Variants in ZC2HC1A observed in about 807,000 individuals in gnomAD.
ZC2HC1A encodes zinc finger C2HC domain-containing protein 1A.
A neutral mutation model predicts 40.7 loss-of-function variants in ZC2HC1A; 28 were observed. That is an observed-to-expected ratio of 0.69 (90% CI 0.51 to 0.94). The LOEUF is 0.94. Ranked by LOEUF, ZC2HC1A falls within the 40% of genes least tolerant of loss-of-function variation. The probability of loss-of-function intolerance (pLI) is 0.00; values close to 1 mark genes in which losing one functional copy is unlikely to be tolerated. For synonymous variants in ZC2HC1A, 129 were observed against 129.2 expected (o/e 1.00, Z 0.01); for missense variants, 389 against 386.3 (o/e 1.01, Z -0.06).
chr8:78,666,194 G>C (rs1357511840), intron 1 of ZC2HC1A, 30 bp downstream of exon 1: 1 of 1,568,662 alleles, frequency 6.4e-7, no homozygotes, highest in Non-Finnish European at 8.6e-7. Context: ...AGGGCAGGAC[G>C]GCTAGAGCGG....
intron 1 of ZC2HC1A, among the ~76,000 whole-genome samples, chr8:78,671,563 G>A (rs969135617): frequency 6.6e-6 from 1 of 152,038 alleles, no homozygotes; most frequent in Non-Finnish European, 1.5e-5. Flanking sequence ...ATTTCTGTAG[G>A]TTATGAAACA....
At chr8:78,674,275 G>C (rs961912726) in intron 1 of ZC2HC1A, among the ~76,000 whole-genome samples, 7 of 152,162 alleles carry the variant, frequency 4.6e-5, no homozygotes, top group African/African-American at 1.7e-4. Context: ...CTAAGAAGTA[G>C]ATAAGCAAAT....
chr8:78,674,904 A>G (rs1809530900), intron 1 of ZC2HC1A, among the ~76,000 whole-genome samples: 1 of 152,104 alleles, frequency 6.6e-6, no homozygotes. Context: ...GAATTTTAGC[A>G]TCTCTAAAAT....
In ZC2HC1A at chr8:78,718,678, A is replaced by G. The variant is rs372783221; in HGVS notation, c.*1185A>G. 6.6e-6 allele frequency: 1 copy of G among 151,838 alleles called. No individual in the cohort carries two copies. Among genetic ancestry groups the G allele is most frequent in the African/African-American group, 2.4e-5 (1 of 41,430 alleles). The allele number at this position is 151,838 out of a possible 1,614,324, so 9.4% of individuals were successfully genotyped here. A position where few individuals can be genotyped will look rare whatever the true frequency, so the allele number is the denominator to read the frequency against. ...ACTTACCTAATTAAACATACACACAAATTTAATTATTTTTTTCTCTTTAAC... is the reference window on the plus strand; with the variant it reads ...ACTTACCTAATTAAACATACACACAGATTTAATTATTTTTTTCTCTTTAAC... On this transcript the variant is annotated 3_prime_UTR_variant, in exon 9 of 9. Coordinates refer to ENST00000263849, the MANE Select transcript of ZC2HC1A (RefSeq NM_016010.3).
chr8:78,688,372 A>G (rs1810093821), intron 4 of ZC2HC1A, among the ~76,000 whole-genome samples: 1 of 152,118 alleles, frequency 6.6e-6, no homozygotes, highest in African/African-American at 2.4e-5. Context: ...TTTCTTTCTT[A>G]TGAGAGGTTT....
rs532997856 is a variant in ZC2HC1A, at chr8:78,690,538, C to T, written c.504+1165C>T. 4.3e-3 allele frequency among the ~76,000 whole-genome samples: 633 copies of T among 147,378 alleles called. 2 individuals carry two copies. The highest frequency in any genetic ancestry group is 0.015 in the African/African-American group (581 of 39,756). Reference sequence around the variant, plus strand: ...TCATGCCACTGCACTCCAGCTTGGGCGACAGAGCAAGAGACTGTCTCAAAA... The same window carrying T: ...TCATGCCACTGCACTCCAGCTTGGGTGACAGAGCAAGAGACTGTCTCAAAA... On this transcript the variant is annotated intron_variant, in intron 5 of 8. Transcript: ENST00000263849.
Position 78,666,112 on chromosome 8 carries a change from G to T in ZC2HC1A, c.-37G>T. The T allele has an allele frequency of 6.4e-7, 1 of 1,560,064 alleles. No homozygotes were observed. The highest frequency in any genetic ancestry group is 8.7e-7 in the Non-Finnish European group (1 of 1,151,962). ...CCAGAGCTGGGCGGTGGCGGGCGCT[G>T]CTGAAGGAGTCTCGCTGAGCTCGAG... is the stretch of plus-strand genomic sequence containing the variant. On this transcript the variant is annotated 5_prime_UTR_variant, in exon 1 of 9. Transcript: ENST00000263849.
intron 7 of ZC2HC1A, among the ~76,000 whole-genome samples, chr8:78,704,574 C>G (rs1265027879): frequency 6.6e-6 from 1 of 151,990 alleles, no homozygotes; most frequent in Non-Finnish European, 1.5e-5. Context: ...GATTATGTGT[C>G]TTGTGGATGA....
At chr8:78,695,915 T>C (rs1174837564) in intron 5 of ZC2HC1A, among the ~76,000 whole-genome samples, 3 of 152,232 alleles carry the variant, frequency 2.0e-5, no homozygotes, top group African/African-American at 7.2e-5. Context: ...AAGGATATAA[T>C]GTTTGACTTC....
chr8:78,698,295 T>C, intron 6 of ZC2HC1A, 119 bp from the exon 7 acceptor site: 1 of 799,444 alleles, frequency 1.3e-6, no homozygotes, highest in Non-Finnish European at 1.9e-6. Flanking sequence ...ATGTCTTCAA[T>C]GAAAACTTGA....
intron 6 of ZC2HC1A, 49 bp downstream of exon 6, chr8:78,697,555 C>A: frequency 1.4e-6 from 2 of 1,420,154 alleles, no homozygotes; most frequent in African/African-American, 1.4e-5. Flanking sequence ...ACCATGTTGG[C>A]AGAGCAGGAA....
chr8:78,698,557 C>T lies in ZC2HC1A; in HGVS notation c.704+44C>T, dbSNP rs369116870. ...TAATTATTAGTGGTATATAATTAAA[C>T]GATACTAAGGTTTTGTTATGTTTTG... On this transcript the variant is annotated intron_variant, in intron 7 of 8. Transcript: ENST00000263849. The T allele has an allele frequency of 3.5e-4, 487 of 1,376,706 alleles. 6 individuals carry two copies. The South Asian group carries it at 5.2e-3, about 15-fold the overall frequency. 85.3% of individuals were successfully genotyped at this position (1,376,706 alleles called of 1,614,324 possible). A position where few individuals can be genotyped will look rare whatever the true frequency, so the allele number is the denominator to read the frequency against.
intron 7 of ZC2HC1A, among the ~76,000 whole-genome samples, chr8:78,709,972 C>T (rs1810903666): frequency 2.0e-5 from 3 of 152,228 alleles, no homozygotes; most frequent in South Asian, 4.1e-4. Flanking sequence ...CTACAAGGTA[C>T]CTAGTAAGCC....
At chr8:78,712,287 G>A (rs1202371036) in intron 7 of ZC2HC1A, among the ~76,000 whole-genome samples, 3 of 152,078 alleles carry the variant, frequency 2.0e-5, no homozygotes, top group African/African-American at 7.2e-5. Flanking sequence ...AAGCATTTCT[G>A]TTGTACTAAA....
chr8:78,697,563 G>A lies in ZC2HC1A; in HGVS notation c.604+57G>A, dbSNP rs1213041054. 2.2e-6 allele frequency: 3 copies of A among 1,337,876 alleles called. No individual in the cohort carries two copies. In the Admixed American group the frequency reaches 5.9e-5, roughly 26 times the overall value. 82.9% of individuals were successfully genotyped at this position (1,337,876 alleles called of 1,614,324 possible). A position where few individuals can be genotyped will look rare whatever the true frequency, so the allele number is the denominator to read the frequency against. On this transcript the variant is annotated intron_variant, in intron 6 of 8. Transcript: ENST00000263849. ...TTTTGAAACCATGTTGGCAGAGCAG[G>A]AAATAAAGATAGTGGTCTATTCTGG...
rs1473204827 is a variant in ZC2HC1A, at chr8:78,719,696, T to G, written c.*2203T>G. On this transcript the variant is annotated 3_prime_UTR_variant, in exon 9 of 9. Coordinates refer to ENST00000263849, the MANE Select transcript of ZC2HC1A (RefSeq NM_016010.3). Reference sequence around the variant, plus strand: ...TGACTATTATTTCTTGTCCACTATTTGTTTTTTGTTTTTTCACCAATAATG... The same window carrying G: ...TGACTATTATTTCTTGTCCACTATTGGTTTTTTGTTTTTTCACCAATAATG... 1 of 151,718 alleles carries G rather than the reference T, an allele frequency of 6.6e-6. No homozygotes were observed. The highest frequency in any genetic ancestry group is 1.5e-5 in the Non-Finnish European group (1 of 67,666). The allele number at this position is 151,718 out of a possible 1,614,324, so 9.4% of individuals were successfully genotyped here.
chr8:78,687,792 C>A (rs1458623879), intron 4 of ZC2HC1A, among the ~76,000 whole-genome samples: 4 of 130,992 alleles, frequency 3.1e-5, no homozygotes, highest in Non-Finnish European at 4.7e-5. Context: ...TTACGTAATA[C>A]ATTATATATA....
intron 7 of ZC2HC1A, among the ~76,000 whole-genome samples, chr8:78,704,039 T>G (rs1179435616): frequency 6.6e-6 from 1 of 152,162 alleles, no homozygotes; most frequent in African/African-American, 2.4e-5. Flanking sequence ...CCTTCACTTA[T>G]GAAGCTTAGT....
At chr8:78,712,424 G>C (rs551473221) in intron 7 of ZC2HC1A, among the ~76,000 whole-genome samples, 1 of 151,840 alleles carries the variant, frequency 6.6e-6, no homozygotes, top group African/African-American at 2.4e-5. Flanking sequence ...TTTTGTAATA[G>C]TAGTTTTAAA....
Sources: allele counts gnomAD v4.1 joint callset (sites outside exome capture counted in the v4.1 genomes callset), GRCh38; gene constraint gnomAD v4.1.1; transcripts MANE v1.5; gene names NCBI Gene and HGNC (gene_info 2026-07-23, HGNC 2026-07-21).